Variants in NF1 observed in about 807,000 individuals in gnomAD.
NF1 encodes the protein neurofibromin.
Under a neutral mutation model 325.7 loss-of-function variants are expected in NF1, and 122 were observed. The observed-to-expected ratio is 0.37, with a 90% CI of 0.32 to 0.44. The LOEUF is 0.44. Ranked by LOEUF, NF1 falls within the 20% of genes least tolerant of loss-of-function variation. The probability of loss-of-function intolerance (pLI) is 1.00; values close to 1 mark genes in which losing one functional copy is unlikely to be tolerated. For missense variants in NF1, 2,140 were observed against 3,415.4 expected, an observed-to-expected ratio of 0.63 and a Z score of 9.31; for synonymous variants, 1,091 against 1,186.0, an observed-to-expected ratio of 0.92 and a Z score of 1.65.
intron 31 of NF1, among the ~76,000 whole-genome samples, chr17:31,256,848 T>G (rs973155933): frequency 6.6e-6 from 1 of 152,210 alleles, no homozygotes; most frequent in African/African-American, 2.4e-5. Context: ...TAAAGAAAGC[T>G]TCCTGAACTA....
chr17:31,191,880 CAT>C (rs1192360648), intron 8 of NF1, among the ~76,000 whole-genome samples: 1 of 152,086 alleles, frequency 6.6e-6, no homozygotes, highest in Non-Finnish European at 1.5e-5. Context: ...GAAAACAGTT[CAT>C]ATGTTTCTTT....
intron 5 of NF1, among the ~76,000 whole-genome samples, chr17:31,178,197 G>A (rs962808387): frequency 6.6e-6 from 1 of 152,204 alleles, no homozygotes; most frequent in Non-Finnish European, 1.5e-5. Flanking sequence ...AGCCAGAATA[G>A]AGTGGGGGCC....
At chr17:31,308,593 A>G (rs1357271508) in intron 36 of NF1, among the ~76,000 whole-genome samples, 2 of 151,998 alleles carry the variant, frequency 1.3e-5, no homozygotes, top group Non-Finnish European at 2.9e-5. Context: ...TCCCTGCTAA[A>G]CAGACACTTC....
chr17:31,342,984 A>G (rs751183511), intron 47 of NF1, 25 bp from the exon 48 acceptor site: 3 of 1,613,958 alleles, frequency 1.9e-6, no homozygotes, highest in Admixed American at 1.7e-5. Flanking sequence ...AACCTCATCA[A>G]CCATCTCATG....
At position 31,336,177 on chromosome 17, in the gene NF1, T is replaced by C. The variant is rs2069663318; in HGVS notation, c.6007-156T>C. ...TTACTGGATATTTTATAATAAATTG[T>C]ATTTACTGACAGGCCTGTAAATAAA... is the stretch of plus-strand genomic sequence containing the variant. On this transcript the variant is annotated intron_variant, in intron 40 of 57. Coordinates refer to ENST00000358273, the MANE Select transcript of NF1 (RefSeq NM_001042492.3). This position sits in a 1 kb window ranked among gnomAD's most constrained non-coding sequence, Gnocchi z 5.5. Among the ~76,000 whole-genome samples, 1 of 152,216 alleles carries C rather than the reference T, an allele frequency of 6.6e-6. No individual in the cohort carries two copies.
chr17:31,102,603 C>T (rs1430581662), intron 1 of NF1, among the ~76,000 whole-genome samples: 1 of 151,790 alleles, frequency 6.6e-6, no homozygotes, highest in Non-Finnish European at 1.5e-5. Context: ...GGTGTGGTGG[C>T]ATGTGCCTGT....
At chr17:31,246,596 G>A (rs1318090449) in intron 29 of NF1, among the ~76,000 whole-genome samples, 2 of 152,154 alleles carry the variant, frequency 1.3e-5, no homozygotes, top group South Asian at 2.1e-4. Flanking sequence ...TAGTAAGAGG[G>A]ATAAAACACA....
At chr17:31,187,309 C>G (rs577073863) in intron 8 of NF1, among the ~76,000 whole-genome samples, 1 of 152,294 alleles carries the variant, frequency 6.6e-6, no homozygotes, top group East Asian at 1.9e-4. Context: ...AGCGATTCTC[C>G]TGCCTCAGCC....
chr17:31,275,095 C>A (rs955363928), intron 36 of NF1, among the ~76,000 whole-genome samples: 6 of 152,086 alleles, frequency 3.9e-5, no homozygotes, highest in African/African-American at 9.7e-5. Flanking sequence ...TGTTCCCAAA[C>A]AAACAATAGT....
intron 29 of NF1, among the ~76,000 whole-genome samples, chr17:31,238,040 T>C (rs561732343): frequency 2.0e-5 from 1 of 51,058 alleles, no homozygotes; most frequent in East Asian, 6.3e-4. Context: ...GACAGGTAAA[T>C]GTATACAGAG....
At position 31,330,509 on chromosome 17, in the gene NF1, A is replaced by G. The variant is rs770700990; in HGVS notation, c.5812+11A>G. 3 of 1,573,734 alleles carry G rather than the reference A, an allele frequency of 1.9e-6. No homozygotes were observed. Among genetic ancestry groups the G allele is most frequent in the Non-Finnish European group, 2.6e-6 (3 of 1,143,946 alleles). ...GATTTAGCAAATCTAGTAAGTAATG[A>G]TAATTTTCTTTAATACTAACAATTA... On this transcript the variant is annotated intron_variant, in intron 39 of 57. Transcript: ENST00000358273.
intron 57 of NF1, among the ~76,000 whole-genome samples, chr17:31,366,581 T>C (rs990643142): frequency 6.6e-6 from 1 of 152,176 alleles, no homozygotes; most frequent in Non-Finnish European, 1.5e-5. Context: ...TACTTCTGTT[T>C]ACTAGGTTTG....
intron 1 of NF1, among the ~76,000 whole-genome samples, chr17:31,150,366 C>T (rs1916847256): frequency 6.6e-6 from 1 of 152,172 alleles, no homozygotes; most frequent in South Asian, 2.1e-4. Context: ...CCCAGCTTAA[C>T]AGTTAACACA....
chr17:31,337,976 T>C (rs2151557859), intron 44 of NF1, 49 bp from the exon 45 acceptor site: 2 of 1,548,182 alleles, frequency 1.3e-6, no homozygotes, highest in Non-Finnish European at 1.8e-6. Flanking sequence ...TTATTTAGTA[T>C]ATATAAACAC....
intron 1 of NF1, among the ~76,000 whole-genome samples, chr17:31,118,345 G>A (rs566547539): frequency 6.5e-4 from 98 of 151,718 alleles, no homozygotes; most frequent in African/African-American, 2.3e-3. Flanking sequence ...AGAATGTGCA[G>A]GTTTGTTACA....
At chr17:31,193,487 T>G (rs969519428) in intron 8 of NF1, among the ~76,000 whole-genome samples, 8 of 152,174 alleles carry the variant, frequency 5.3e-5, no homozygotes, top group African/African-American at 1.9e-4. Context: ...TGTACCATAT[T>G]TTAAATTCCA....
At chr17:31,320,351 A>G (rs1408156231) in intron 36 of NF1, 2 of 1,539,032 alleles carry the variant, frequency 1.3e-6, no homozygotes, top group Non-Finnish European at 1.7e-6. Context: ...TTTAAAAAAA[A>G]AAAAAAAAGG....
intron 36 of NF1, chr17:31,321,175 G>T (rs2069179182): frequency 6.6e-6 from 1 of 152,178 alleles, no homozygotes; most frequent in African/African-American, 2.4e-5. Flanking sequence ...ATTTTCAGTA[G>T]AATTTGTAAT....
chr17:31,362,536 TCTC>T (rs2151590250), intron 57 of NF1, among the ~76,000 whole-genome samples: 1 of 152,330 alleles, frequency 6.6e-6, no homozygotes, highest in South Asian at 2.1e-4. Context: ...TACTTTCCCT[TCTC>T]CTTCTTTATT....
Sources: allele counts gnomAD v4.1 joint callset (sites outside exome capture counted in the v4.1 genomes callset), GRCh38; gene constraint gnomAD v4.1.1; non-coding constraint Gnocchi (gnomAD v3.1); transcripts MANE v1.5; gene names NCBI Gene and HGNC (gene_info 2026-07-23, HGNC 2026-07-21).